PDE1C: variants seen among roughly 807,000 people sequenced by gnomAD.
PDE1C encodes phosphodiesterase 1C, also known as dual specificity calcium/calmodulin-dependent 3',5'-cyclic nucleotide phosphodiesterase 1C.
PDE1C carries 62 observed loss-of-function variants against 93.1 expected under a neutral mutation model. That is an observed-to-expected ratio of 0.67 (90% CI 0.54 to 0.82). The LOEUF is 0.82. Among genes scored for constraint, PDE1C ranks in the 40% least tolerant of loss-of-function variants. The pLI, the probability that PDE1C is intolerant of heterozygous loss-of-function variation, is 0.00. For synonymous variants in PDE1C, 325 were observed against 310.1 expected (o/e 1.05, Z -0.50); for missense variants, 742 against 884.6 (o/e 0.84, Z 2.04).
chr7:32,385,357 A>G (rs1191585450), intron 1 of PDE1C, among the ~76,000 whole-genome samples: 4 of 152,196 alleles, frequency 2.6e-5, no homozygotes, highest in Non-Finnish European at 4.4e-5. Context: ...TTCCTTCTCC[A>G]TTATGCCAAA....
chr7:32,422,229 A>T (rs1785446004), intron 1 of PDE1C, among the ~76,000 whole-genome samples: 1 of 152,210 alleles, frequency 6.6e-6, no homozygotes, highest in East Asian at 1.9e-4. Flanking sequence ...TGCAGGTGCT[A>T]CAAATGTTGA....
At chr7:31,831,968 G>T (rs933437048) in intron 11 of PDE1C, among the ~76,000 whole-genome samples, 1 of 152,122 alleles carries the variant, frequency 6.6e-6, no homozygotes, top group Non-Finnish European at 1.5e-5. Context: ...AAGAACAAGG[G>T]CTCAGGGGAA....
chr7:31,689,428 T>C, the PDE1C span, among the ~76,000 whole-genome samples: 1 of 152,050 alleles, frequency 6.6e-6, no homozygotes, highest in African/African-American at 2.4e-5. Flanking sequence ...TACAGGGAGA[T>C]GATGAAACCT....
chr7:32,046,736 C>G (rs1459509407), intron 2 of PDE1C, among the ~76,000 whole-genome samples: 1 of 152,054 alleles, frequency 6.6e-6, no homozygotes, highest in Non-Finnish European at 1.5e-5. Context: ...AGAAATATGT[C>G]TAGATTTAGA....
At chr7:31,790,243 T>G in intron 16 of PDE1C, 2 of 1,612,950 alleles carry the variant, frequency 1.2e-6, no homozygotes, top group Non-Finnish European at 1.7e-6. Context: ...TATGAGGTCT[T>G]TTTTACTCTT....
intron 2 of PDE1C, among the ~76,000 whole-genome samples, chr7:31,916,045 G>T (rs1000107191): frequency 7.2e-6 from 1 of 139,534 alleles, no homozygotes; most frequent in African/African-American, 3.4e-5. Flanking sequence ...TGCCAGGTAT[G>T]GGGGGGGCAC....
the PDE1C span, among the ~76,000 whole-genome samples, chr7:31,633,489 A>C: frequency 6.6e-6 from 1 of 152,178 alleles, no homozygotes; most frequent in Admixed American, 6.5e-5. Context: ...GAACATAGAG[A>C]GGTTTTGTTT....
intron 9 of PDE1C, among the ~76,000 whole-genome samples, chr7:31,846,727 C>G (rs916776676): frequency 2.0e-5 from 3 of 152,000 alleles, no homozygotes; most frequent in Non-Finnish European, 4.4e-5. Flanking sequence ...TGTAATCAAA[C>G]CTTTTATTAT....
chr7:31,643,673 G>A, the PDE1C span: 2 of 1,614,040 alleles, frequency 1.2e-6, no homozygotes, highest in South Asian at 2.2e-5. Flanking sequence ...TCAGCTCTAA[G>A]CAACAAGACC....
At position 31,870,331 on chromosome 7, in the gene PDE1C, GACAA is replaced by G. The variant is rs148166931; in HGVS notation, c.609+2957_609+2960del. Reference sequence around the variant, plus strand: ...ATGAGAAAAGTTGTTTTTTTGAAAAGACAAACAAAATAAATAAATTGCTAGCTAG... The same window carrying G: ...ATGAGAAAAGTTGTTTTTTTGAAAAGACAAAATAAATAAATTGCTAGCTAG... On this transcript the variant is annotated intron_variant, in intron 6 of 17. Transcript: ENST00000396191. 6.0e-3 allele frequency among the ~76,000 whole-genome samples: 904 copies of G among 150,706 alleles called. 13 individuals carry two copies. The highest frequency in any genetic ancestry group is 0.021 in the African/African-American group (856 of 41,156).
chr7:32,254,029 G>A (rs540997959), intron 1 of PDE1C, among the ~76,000 whole-genome samples: 1 of 152,288 alleles, frequency 6.6e-6, no homozygotes, highest in Non-Finnish European at 1.5e-5. Context: ...GGAAATGGAA[G>A]AAGGCAGGAC....
chr7:31,928,643 A>G (rs112719184), intron 2 of PDE1C, among the ~76,000 whole-genome samples: 1 of 152,182 alleles, frequency 6.6e-6, no homozygotes, highest in Non-Finnish European at 1.5e-5. Flanking sequence ...ATTCTTAAAG[A>G]AAAGAATTTT....
intron 1 of PDE1C, among the ~76,000 whole-genome samples, chr7:32,319,041 G>A (rs1716094428): frequency 6.6e-6 from 1 of 152,234 alleles, no homozygotes; most frequent in Non-Finnish European, 1.5e-5. Context: ...TGCAAGGGCA[G>A]AGGAAGCAGG....
At chr7:31,746,197 CTCTT>C (rs1241027157), downstream of PDE1C, among the ~76,000 whole-genome samples, 2 of 152,114 alleles carry the variant, frequency 1.3e-5, no homozygotes, top group African/African-American at 4.8e-5. Context: ...GGGGATATCT[CTCTT>C]GCAATGGAGG....
chr7:31,865,132 T>C (rs1426103655), intron 6 of PDE1C, 50 bp from the exon 7 acceptor site: 4 of 1,605,578 alleles, frequency 2.5e-6, no homozygotes, highest in Non-Finnish European at 2.6e-6. Flanking sequence ...CTGCTTTCAA[T>C]GGAGACACAG....
intron 2 of PDE1C, among the ~76,000 whole-genome samples, chr7:32,205,923 G>C: frequency 6.6e-6 from 1 of 152,074 alleles, no homozygotes; most frequent in East Asian, 1.9e-4. Context: ...ACAAACTATG[G>C]ACACACCATC....
intron 2 of PDE1C, among the ~76,000 whole-genome samples, chr7:32,182,305 CA>C (rs1320090756): frequency 6.6e-6 from 1 of 152,186 alleles, no homozygotes; most frequent in Non-Finnish European, 1.5e-5. Flanking sequence ...TTTATGAAGC[CA>C]GCATTATCCT....
chr7:32,209,126 C>A (rs1174599401), intron 2 of PDE1C, among the ~76,000 whole-genome samples: 1 of 152,158 alleles, frequency 6.6e-6, no homozygotes, highest in Non-Finnish European at 1.5e-5. Context: ...ACAGGCATCC[C>A]CTGTAAATGT....
intron 16 of PDE1C, chr7:31,789,407 A>T (rs1162591732): frequency 6.5e-6 from 1 of 152,760 alleles, no homozygotes; most frequent in African/African-American, 2.4e-5. Context: ...AAGAAGAGTG[A>T]TGAAATAAAA....
Sources: allele counts gnomAD v4.1 joint callset (sites outside exome capture counted in the v4.1 genomes callset), GRCh38; gene constraint gnomAD v4.1.1; transcripts MANE v1.5; gene names NCBI Gene and HGNC (gene_info 2026-07-23, HGNC 2026-07-21).